The following STK3 variants were observed in gnomAD, a reference collection of about 807,000 sequenced individuals.
The protein encoded by STK3 is serine/threonine kinase 3.
STK3 carries 41 observed loss-of-function variants against 58.0 expected under a neutral mutation model. The ratio of observed to expected loss-of-function variants is 0.71; its 90% CI spans 0.55 to 0.92. The LOEUF (loss-of-function observed/expected upper bound fraction) is 0.92, where lower values mean the gene tolerates loss of function less well. Among genes scored for constraint, STK3 ranks in the 40% least tolerant of loss-of-function variants. The probability of loss-of-function intolerance (pLI) is 0.00; values close to 1 mark genes in which losing one functional copy is unlikely to be tolerated. For missense variants in STK3, 479 were observed against 602.7 expected (o/e 0.79, Z 2.15); for synonymous variants, 170 against 191.0 (o/e 0.89, Z 0.91).
chr8:98,439,385 C>CA (rs1305208242), intron 1 of STK3: 1 of 152,218 alleles, frequency 6.6e-6, no homozygotes, highest in Non-Finnish European at 1.5e-5. Context: ...CAAAGCCTCC[C>CA]AGGCTGGAGA....
At chr8:98,591,318 G>A (rs1400962864) in intron 7 of STK3, among the ~76,000 whole-genome samples, 1 of 152,156 alleles carries the variant, frequency 6.6e-6, no homozygotes, top group Non-Finnish European at 1.5e-5. Context: ...ACATTCAATT[G>A]CGTCTACAAA....
At chr8:98,915,271 C>T (rs961045857) in intron 1 of STK3, among the ~76,000 whole-genome samples, 7 of 151,714 alleles carry the variant, frequency 4.6e-5, no homozygotes, top group African/African-American at 1.7e-4. Flanking sequence ...CCTAACCTCC[C>T]GGACTATATC....
At chr8:98,919,816 G>A (rs1224839533) in intron 1 of STK3, among the ~76,000 whole-genome samples, 1 of 152,168 alleles carries the variant, frequency 6.6e-6, no homozygotes, top group Non-Finnish European at 1.5e-5. Context: ...AGCAGCAGCA[G>A]GTAGGACTGG....
At chr8:98,358,337 A>G in the STK3 span, among the ~76,000 whole-genome samples, 1 of 152,124 alleles carries the variant, frequency 6.6e-6, no homozygotes, top group Non-Finnish European at 1.5e-5. Flanking sequence ...GTTACCCAAT[A>G]AAAACATGCT....
chr8:98,722,909 G>A (rs928027267), intron 4 of STK3: 3 of 506,634 alleles, frequency 5.9e-6, no homozygotes, highest in Non-Finnish European at 1.2e-5. Flanking sequence ...AGATGGAAAA[G>A]CGTTAGATCC....
the STK3 span, among the ~76,000 whole-genome samples, chr8:98,352,979 G>T: frequency 2.6e-5 from 4 of 152,214 alleles, no homozygotes; most frequent in East Asian, 7.7e-4. Flanking sequence ...AATAAGTGTG[G>T]GAAAATGATT....
chr8:98,355,525 TG>T, the STK3 span, among the ~76,000 whole-genome samples: 1 of 152,206 alleles, frequency 6.6e-6, no homozygotes, highest in African/African-American at 2.4e-5. Flanking sequence ...TAGCAACTGC[TG>T]GGGGCATCTC....
intron 4 of STK3, among the ~76,000 whole-genome samples, chr8:98,727,693 C>T (rs910601258): frequency 1.3e-5 from 2 of 152,074 alleles, no homozygotes; most frequent in Non-Finnish European, 1.5e-5. Flanking sequence ...CAATAATTGG[C>T]GGAAAGAAAA....
rs527262073 is a variant in STK3 at position 98,915,747 on chromosome 8, G to A, written c.-79+26631C>T. ...CGTGTTCATCATTCTGTCACACAGGGCACCCACCACTCAGAGAAAATATCC... is the reference window on the plus strand; with the variant it reads ...CGTGTTCATCATTCTGTCACACAGGACACCCACCACTCAGAGAAAATATCC... On this transcript the variant is annotated intron_variant, in intron 1 of 1. Transcript: ENST00000519420. Among the ~76,000 whole-genome samples the A allele has an allele frequency of 4.0e-5, 6 of 151,870 alleles. No homozygotes were observed. In the South Asian group the frequency reaches 6.2e-4, roughly 16 times the overall value.
At chr8:98,838,893 C>T (rs1835850565) in intron 3 of STK3, among the ~76,000 whole-genome samples, 2 of 151,846 alleles carry the variant, frequency 1.3e-5, no homozygotes, top group Admixed American at 6.6e-5. Flanking sequence ...CCATCGAGGC[C>T]GTTTACCTTC....
intron 6 of STK3, among the ~76,000 whole-genome samples, chr8:98,693,842 A>G (rs1311923726): frequency 2.0e-5 from 3 of 149,866 alleles, no homozygotes; most frequent in African/African-American, 7.3e-5. Flanking sequence ...TTTCTCAAGC[A>G]AATTTTATTA....
chr8:98,513,799 G>C (rs566566664), intron 10 of STK3, among the ~76,000 whole-genome samples: 3 of 152,148 alleles, frequency 2.0e-5, no homozygotes, highest in Non-Finnish European at 4.4e-5. Context: ...AACCAGGACT[G>C]GGGAAGAAGC....
At chr8:98,575,783 T>C (rs1307158441) in intron 8 of STK3, among the ~76,000 whole-genome samples, 1 of 152,112 alleles carries the variant, frequency 6.6e-6, no homozygotes, top group Non-Finnish European at 1.5e-5. Flanking sequence ...CTATACATTT[T>C]GGATACTAGA....
At chr8:98,837,111 G>A (rs987469389) in intron 3 of STK3, among the ~76,000 whole-genome samples, 5 of 151,940 alleles carry the variant, frequency 3.3e-5, no homozygotes, top group African/African-American at 7.3e-5. Flanking sequence ...AGATACCCCC[G>A]GAGGTACCTG....
At chr8:98,846,859 AC>A (rs1836226930) in intron 3 of STK3, among the ~76,000 whole-genome samples, 2 of 138,358 alleles carry the variant, frequency 1.4e-5, no homozygotes, top group African/African-American at 5.9e-5. Context: ...AGGATCCTAC[AC>A]ACACACACAC....
intron 7 of STK3, among the ~76,000 whole-genome samples, chr8:98,583,305 G>A (rs1283797289): frequency 6.6e-6 from 1 of 151,918 alleles, no homozygotes; most frequent in Non-Finnish European, 1.5e-5. Flanking sequence ...GAGGGCAGAG[G>A]GTTACTTCTA....
intron 1 of STK3, among the ~76,000 whole-genome samples, chr8:98,779,852 C>T (rs1365305306): frequency 2.6e-5 from 4 of 151,870 alleles, no homozygotes; most frequent in Admixed American, 2.0e-4. Context: ...CAATGCTGCA[C>T]TGAGTAACCT....
At chr8:98,585,968 G>A (rs961932126) in intron 7 of STK3, among the ~76,000 whole-genome samples, 5 of 152,190 alleles carry the variant, frequency 3.3e-5, no homozygotes, top group African/African-American at 1.2e-4. Flanking sequence ...CTTTGCTGAA[G>A]TTGCTTATCA....
intron 1 of STK3, among the ~76,000 whole-genome samples, chr8:98,931,803 A>G (rs141219816): frequency 3.7e-4 from 56 of 152,324 alleles, no homozygotes; most frequent in African/African-American, 1.3e-3. Context: ...TAAGAGCCCC[A>G]ACTGTGGTTA....
Sources: allele counts gnomAD v4.1 joint callset (sites outside exome capture counted in the v4.1 genomes callset), GRCh38; gene constraint gnomAD v4.1.1; transcripts MANE v1.5; gene names NCBI Gene and HGNC (gene_info 2026-07-23, HGNC 2026-07-21).